Variants in RNF38 observed in about 807,000 individuals in gnomAD.
The protein encoded by RNF38 is E3 ubiquitin-protein ligase RNF38.
Under a neutral mutation model 67.2 loss-of-function variants are expected in RNF38, and 15 were observed. The ratio of observed to expected loss-of-function variants is 0.22; its 90% CI spans 0.15 to 0.34. The LOEUF (loss-of-function observed/expected upper bound fraction) is 0.34, where lower values mean the gene tolerates loss of function less well. Ranked by LOEUF, RNF38 falls within the 10% of genes least tolerant of loss-of-function variation. The probability of loss-of-function intolerance (pLI) is 1.00; values close to 1 mark genes in which losing one functional copy is unlikely to be tolerated. For missense variants in RNF38, 524 were observed against 639.9 expected, an observed-to-expected ratio of 0.82 and a Z score of 1.95; for synonymous variants, 220 against 218.8, an observed-to-expected ratio of 1.01 and a Z score of -0.05.
At chr9:36,392,007 C>T (rs1322715456) in intron 1 of RNF38, among the ~76,000 whole-genome samples, 2 of 152,126 alleles carry the variant, frequency 1.3e-5, no homozygotes, top group African/African-American at 4.8e-5. Flanking sequence ...GCACTAGGTG[C>T]TATGGAGAAG....
At chr9:36,477,046 A>G (rs949929535) in intron 1 of RNF38, among the ~76,000 whole-genome samples, 2 of 152,068 alleles carry the variant, frequency 1.3e-5, no homozygotes, top group African/African-American at 4.8e-5. Context: ...ATTATTGGCC[A>G]GGCGCGATGG....
intron 1 of RNF38, among the ~76,000 whole-genome samples, chr9:36,468,533 C>G (rs572945447): frequency 2.0e-5 from 3 of 152,310 alleles, no homozygotes; most frequent in African/African-American, 7.2e-5. Context: ...ATACATGAGC[C>G]TGGCGTGGTG....
upstream of RNF38, among the ~76,000 whole-genome samples, chr9:36,405,536 T>G (rs1214083821): frequency 6.6e-6 from 1 of 152,254 alleles, no homozygotes; most frequent in African/African-American, 2.4e-5. Context: ...CAAAGACTTA[T>G]GCTAGCTTCA....
At chr9:36,464,506 G>A (rs1839814831) in intron 1 of RNF38, among the ~76,000 whole-genome samples, 1 of 151,966 alleles carries the variant, frequency 6.6e-6, no homozygotes, top group Non-Finnish European at 1.5e-5. Flanking sequence ...GGGAGGCGGA[G>A]GTTGTGGTAA....
chr9:36,406,720 G>A (rs1838193450), intron 2 of RNF38, among the ~76,000 whole-genome samples: 1 of 152,188 alleles, frequency 6.6e-6, no homozygotes, highest in South Asian at 2.1e-4. Flanking sequence ...GAGAAATGAA[G>A]CACAGGAACA....
At chr9:36,364,739 T>A (rs1221773230) in intron 4 of RNF38, among the ~76,000 whole-genome samples, 1 of 152,226 alleles carries the variant, frequency 6.6e-6, no homozygotes, top group East Asian at 1.9e-4. Flanking sequence ...ACAATGTGCA[T>A]TAGAATCACC....
At chr9:36,377,430 T>C (rs894504868) in intron 2 of RNF38, among the ~76,000 whole-genome samples, 12 of 152,246 alleles carry the variant, frequency 7.9e-5, no homozygotes, top group African/African-American at 2.4e-4. Context: ...ATGAAGCAAA[T>C]TGGTAAATGG....
In RNF38 at chr9:36,338,862, C is replaced by T. The variant is rs966045291; in HGVS notation, c.*890G>A. 1 of 152,442 alleles carries T rather than the reference C, an allele frequency of 6.6e-6. No individual in the cohort carries two copies. Among genetic ancestry groups the T allele is most frequent in the African/African-American group, 2.4e-5 (1 of 41,350 alleles). The allele number at this position is 152,442 out of a possible 1,614,324, so 9.4% of individuals were successfully genotyped here. A position where few individuals can be genotyped will look rare whatever the true frequency, so the allele number is the denominator to read the frequency against. On this transcript the variant is annotated 3_prime_UTR_variant, in exon 12 of 12. Transcript: ENST00000259605. ...CTGATTGAAATGCTAATATTGCTAA[C>T]TGATGATATATGATATTGCACCTTC...
At position 36,429,881 on chromosome 9, in the gene RNF38, ATTGT is replaced by A. The variant is rs565949234; in HGVS notation, n.242-5202_242-5199del. 2.8e-3 allele frequency among the ~76,000 whole-genome samples: 424 copies of A among 152,242 alleles called. 1 individual carries two copies. The highest frequency in any genetic ancestry group is 4.2e-3 in the Non-Finnish European group (289 of 68,012). ...TTTTAACTGTAGTATTGTTGTTTTT[ATTGT>A]TTATTTTTCCTGATATTTTCCATGC... is the stretch of plus-strand genomic sequence containing the variant. On this transcript the variant is annotated intron_variant and non_coding_transcript_variant, in intron 1 of 3. Coordinates refer to the RNF38 transcript ENST00000488058.
At chr9:36,456,673 G>A (rs1019903825) in intron 1 of RNF38, among the ~76,000 whole-genome samples, 5 of 151,910 alleles carry the variant, frequency 3.3e-5, no homozygotes, top group Non-Finnish European at 7.4e-5. Context: ...TCAACCTACT[G>A]GACACTAAAT....
chr9:36,355,263 TC>T (rs1258480907), intron 6 of RNF38, among the ~76,000 whole-genome samples: 1 of 152,194 alleles, frequency 6.6e-6, no homozygotes, highest in Non-Finnish European at 1.5e-5. Context: ...GCTGAAATCT[TC>T]CACTTTAGCC....
chr9:36,398,519 CTATA>C (rs1211367571), intron 1 of RNF38, among the ~76,000 whole-genome samples: 2 of 152,176 alleles, frequency 1.3e-5, no homozygotes, highest in African/African-American at 2.4e-5. Flanking sequence ...CATTAATTTA[CTATA>C]TAGAGTTCAA....
chr9:36,411,492 A>G (rs1317068671), intron 2 of RNF38, among the ~76,000 whole-genome samples: 1 of 152,250 alleles, frequency 6.6e-6, no homozygotes, highest in East Asian at 1.9e-4. Flanking sequence ...ATTATTCACA[A>G]TAGCCAAAAG....
chr9:36,344,999 G>C, intron 9 of RNF38, 46 bp from the exon 10 acceptor site: 2 of 1,581,428 alleles, frequency 1.3e-6, no homozygotes, highest in Non-Finnish European at 1.7e-6. Flanking sequence ...TTTACATTTT[G>C]CATTCCAATA....
At chr9:36,396,767 T>C (rs1328156523) in intron 1 of RNF38, among the ~76,000 whole-genome samples, 2 of 151,188 alleles carry the variant, frequency 1.3e-5, no homozygotes, top group South Asian at 4.2e-4. Context: ...ATATAAAACA[T>C]AACTTAATAA....
At chr9:36,402,685 A>G (rs1838082953), upstream of RNF38, among the ~76,000 whole-genome samples, 1 of 152,132 alleles carries the variant, frequency 6.6e-6, no homozygotes, top group African/African-American at 2.4e-5. Context: ...CTCAGCAGCA[A>G]AAATCTATTA....
intron 11 of RNF38, among the ~76,000 whole-genome samples, chr9:36,341,997 T>A (rs1047442074): frequency 1.3e-5 from 2 of 152,192 alleles, no homozygotes; most frequent in Non-Finnish European, 2.9e-5. Flanking sequence ...TTTTTCTCCA[T>A]GCTAACCTCT....
intron 2 of RNF38, among the ~76,000 whole-genome samples, chr9:36,411,245 T>TA (rs977441907): frequency 2.7e-5 from 4 of 150,432 alleles, no homozygotes; most frequent in Non-Finnish European, 5.9e-5. Context: ...ATAGTTACTA[T>TA]AAAAAAATTA....
Position 36,396,960 on chromosome 9 carries a change from TA to T in RNF38, c.12+3136del, listed in dbSNP as rs1226360271. 1.7e-3 allele frequency among the ~76,000 whole-genome samples: 247 copies of T among 146,256 alleles called. 2 individuals carry two copies. The highest frequency in any genetic ancestry group is 5.0e-3 in the East Asian group (25 of 4,996). On this transcript the variant is annotated intron_variant, in intron 1 of 11. Transcript: ENST00000259605. The stretch of plus-strand genomic sequence containing the variant: ...GACACATGAAAAAGACTGAAAGGAA[TA>T]AAAAAAAAATCATTCTCTCACTACA...
Sources: gnomAD v4.1 joint callset for allele counts (sites outside exome capture counted in the v4.1 genomes callset) on GRCh38, gnomAD v4.1.1 for gene constraint, MANE v1.5 for transcripts, NCBI Gene and HGNC (gene_info 2026-07-23, HGNC 2026-07-21) for gene names.